MIPOL1: variants seen among roughly 807,000 people sequenced by gnomAD.
The protein encoded by MIPOL1 is mirror-image polydactyly 1.
A neutral mutation model predicts 60.9 loss-of-function variants in MIPOL1; 57 were observed. The observed-to-expected ratio is 0.94, with a 90% CI of 0.76 to 1.17. The LOEUF is 1.17. MIPOL1 is among the 50% of genes most tolerant of loss of function. The pLI is 0.00. For synonymous variants in MIPOL1, 179 were observed against 168.8 expected, an observed-to-expected ratio of 1.06 and a Z score of -0.47; for missense variants, 551 against 511.6, an observed-to-expected ratio of 1.08 and a Z score of -0.74.
Position 37,268,768 on chromosome 14 carries a change from A to G in MIPOL1, c.362A>G (p.Asp121Gly), listed in dbSNP as rs745323765. The G allele has an allele frequency of 1.9e-6, 3 of 1,591,632 alleles. No individual in the cohort carries two copies. The highest frequency in any genetic ancestry group is 2.3e-5 in the East Asian group (1 of 44,212). Residue 121 changes from aspartate (D) to glycine (G), a missense_variant, in exon 5 of 13, where the codon GAT becomes GGT. Asp to Gly is a moderately conservative substitution (Grantham distance 94, BLOSUM62 -1). Transcript: ENST00000684589. Reference sequence around the variant, plus strand: ...ATAGCATTTCTTCTAAAAGAATTGGATATTCTCAGAACAAGCAATAAAAAG... The same window carrying G: ...ATAGCATTTCTTCTAAAAGAATTGGGTATTCTCAGAACAAGCAATAAAAAG... ...KTIAFLLKEL[D>G]ILRTSNKKLQ... is the part of the protein sequence containing the mutation.
rs1211993618 is a variant in MIPOL1, at chr14:37,535,087, GTAAA to G, written c.1263-11813_1263-11810del. On this transcript the variant is annotated intron_variant, in intron 12 of 12. Transcript: ENST00000684589. ...CATTTTTAAAAGAGGTGAAATAAAA[GTAAA>G]TAAAACAAAGTTTCACATATTTTAA... is the stretch of plus-strand genomic sequence containing the variant. 5.3e-5 allele frequency among the ~76,000 whole-genome samples: 8 copies of G among 152,166 alleles called. No individual in the cohort carries two copies. The East Asian group carries it at 1.3e-3, about 26-fold the overall frequency.
At chr14:37,318,400 T>A in intron 9 of MIPOL1, among the ~76,000 whole-genome samples, 1 of 152,172 alleles carries the variant, frequency 6.6e-6, no homozygotes, top group Middle Eastern at 3.2e-3. Flanking sequence ...TCAGGAAAAG[T>A]AGGGAACATA....
chr14:37,324,677 T>A (rs1484423503), intron 9 of MIPOL1, among the ~76,000 whole-genome samples: 2 of 152,122 alleles, frequency 1.3e-5, no homozygotes, highest in African/African-American at 4.8e-5. Flanking sequence ...GCTTTAATGT[T>A]TTAGTTTTCA....
intron 3 of MIPOL1, among the ~76,000 whole-genome samples, chr14:37,249,838 A>G (rs1012903725): frequency 2.6e-5 from 4 of 152,170 alleles, no homozygotes; most frequent in Non-Finnish European, 4.4e-5. Context: ...AACAAAAAGG[A>G]AGCAAATAAT....
intron 9 of MIPOL1, among the ~76,000 whole-genome samples, chr14:37,313,594 T>G (rs2087577852): frequency 6.6e-6 from 1 of 152,050 alleles, no homozygotes; most frequent in Admixed American, 6.6e-5. Context: ...CATGGACCAC[T>G]CAAAACAGAA....
At chr14:37,506,269 A>G (rs544855455) in intron 12 of MIPOL1, 2 of 152,240 alleles carry the variant, frequency 1.3e-5, no homozygotes, top group East Asian at 3.9e-4. Flanking sequence ...TTCATATGGA[A>G]CCAAAAAAGA....
chr14:37,235,401 G>C (rs182595981), intron 1 of MIPOL1, among the ~76,000 whole-genome samples: 1 of 152,220 alleles, frequency 6.6e-6, no homozygotes, highest in Admixed American at 6.5e-5. Context: ...TTGCTGCAGT[G>C]TTAGGGAATC....
intron 7 of MIPOL1, among the ~76,000 whole-genome samples, chr14:37,294,975 G>A (rs1247432639): frequency 6.6e-6 from 1 of 152,090 alleles, no homozygotes; most frequent in African/African-American, 2.4e-5. Flanking sequence ...TACTCCTCAA[G>A]AAGAGCAACT....
chr14:37,536,775 G>T (rs2095508119), intron 12 of MIPOL1, among the ~76,000 whole-genome samples: 1 of 152,012 alleles, frequency 6.6e-6, no homozygotes, highest in Non-Finnish European at 1.5e-5. Flanking sequence ...CCAAACAATT[G>T]TTACTTTGAC....
At position 37,500,096 on chromosome 14, in the gene MIPOL1, A is replaced by G. The variant is rs772026902; in HGVS notation, c.1220A>G (p.His407Arg). ...GCAAATATGGAATTACAACTTCAAC[A>G]TGCCAGAGAGGCCTCCCAAGTGGCC... Reference protein sequence around the residue: ...ERANMELQLQHAREASQVANE... With the variant: ...ERANMELQLQRAREASQVANE... Residue 407 changes from histidine to arginine, a missense_variant, in exon 12 of 13, where the codon CAT (histidine) becomes CGT (arginine). His to Arg is a conservative substitution (Grantham distance 29). Coordinates refer to ENST00000684589, the MANE Select transcript of MIPOL1 (RefSeq NM_001388067.1). 3.8e-5 allele frequency: 62 copies of G among 1,613,582 alleles called. No individual in the cohort carries two copies. Among genetic ancestry groups the G allele is most frequent in the Admixed American group, 6.7e-5 (4 of 59,898 alleles).
intron 11 of MIPOL1, among the ~76,000 whole-genome samples, chr14:37,497,090 T>C (rs2095142892): frequency 6.6e-6 from 1 of 152,034 alleles, no homozygotes; most frequent in African/African-American, 2.4e-5. Context: ...TGGCTAGCCA[T>C]ATGTAGAAAG....
chr14:37,494,795 A>G (rs1339656509), intron 11 of MIPOL1, among the ~76,000 whole-genome samples: 4 of 152,192 alleles, frequency 2.6e-5, no homozygotes, highest in Admixed American at 6.6e-5. Flanking sequence ...AGGACATGCT[A>G]TTGCAGGTTT....
chr14:37,527,303 T>C (rs1299220216), intron 12 of MIPOL1, among the ~76,000 whole-genome samples: 1 of 152,096 alleles, frequency 6.6e-6, no homozygotes, highest in Admixed American at 6.5e-5. Flanking sequence ...ACAAACAGCT[T>C]GCCTTCTTTT....
At chr14:37,497,751 A>G (rs1566720360) in intron 11 of MIPOL1, among the ~76,000 whole-genome samples, 1 of 152,206 alleles carries the variant, frequency 6.6e-6, no homozygotes, top group African/African-American at 2.4e-5. Context: ...TACAATAACT[A>G]AAGTTAAAAG....
In MIPOL1 at chr14:37,255,117, A is replaced by C. The variant is rs1974720224; in HGVS notation, c.19+7210A>C. On this transcript the variant is annotated intron_variant, in intron 3 of 12. Coordinates refer to ENST00000684589, the MANE Select transcript of MIPOL1 (RefSeq NM_001388067.1). ...CATTTATTTCTGGTTATGGCCTTTC[A>C]TGCCAGAACACCTCTTGTAACACAT... Among the ~76,000 whole-genome samples, 6 of 151,858 alleles carry C rather than the reference A, an allele frequency of 4.0e-5. No homozygotes were observed. In the South Asian group the frequency reaches 1.2e-3, roughly 31 times the overall value.
intron 7 of MIPOL1, among the ~76,000 whole-genome samples, chr14:37,292,082 T>A (rs1443024170): frequency 6.6e-6 from 1 of 151,724 alleles, no homozygotes; most frequent in Non-Finnish European, 1.5e-5. Flanking sequence ...CCTGCCACCA[T>A]GCCCGGCTTA....
intron 12 of MIPOL1, chr14:37,506,879 T>G (rs1000119040): frequency 2.6e-5 from 4 of 150,946 alleles, no homozygotes; most frequent in Non-Finnish European, 5.9e-5. Flanking sequence ...AGAATGTACA[T>G]AATTTATTGG....
intron 7 of MIPOL1, among the ~76,000 whole-genome samples, chr14:37,295,384 A>C (rs1195762399): frequency 6.6e-6 from 1 of 152,240 alleles, no homozygotes; most frequent in Non-Finnish European, 1.5e-5. Context: ...GGCTAGGAAG[A>C]AACTGCATCA....
rs1194771572 is a variant in MIPOL1, at chr14:37,270,510, G to A, written c.478G>A (p.Ala160Thr). The A allele has an allele frequency of 1.3e-6, 2 of 1,594,146 alleles. No individual in the cohort carries two copies. Among genetic ancestry groups the A allele is most frequent in the Non-Finnish European group, 1.7e-6 (2 of 1,168,718 alleles). ...AGAGAAAGAAACAGAAGCTAAAATT[G>A]CTGAAAAGACAGCAGGTATAGTAGA... ...LQEKETEAKI[A>T]EKTAALVEEV... Residue 160 changes from alanine to threonine, a missense_variant, in exon 6 of 13, where the codon GCT becomes ACT. Coordinates refer to ENST00000684589, the MANE Select transcript of MIPOL1 (RefSeq NM_001388067.1).
Sources: gnomAD v4.1 joint callset for allele counts (sites outside exome capture counted in the v4.1 genomes callset) on GRCh38, gnomAD v4.1.1 for gene constraint, MANE v1.5 for transcripts, NCBI Gene and HGNC (gene_info 2026-07-23, HGNC 2026-07-21) for gene names.